GLB1: variants seen among roughly 807,000 people sequenced by gnomAD.
GLB1 encodes beta-galactosidase.
A neutral mutation model predicts 74.0 loss-of-function variants in GLB1; 56 were observed. The ratio of observed to expected loss-of-function variants is 0.76; its 90% CI spans 0.61 to 0.94. GLB1 has a LOEUF of 0.94. Ranked by LOEUF, GLB1 falls within the 40% of genes least tolerant of loss-of-function variation. The pLI, the probability that GLB1 is intolerant of heterozygous loss-of-function variation, is 0.00. For synonymous variants in GLB1, 323 were observed against 323.6 expected (o/e 1.00, Z 0.02); for missense variants, 787 against 845.5 (o/e 0.93, Z 0.86).
intron 10 of GLB1, among the ~76,000 whole-genome samples, chr3:33,036,956 A>T (rs572217338): frequency 2.0e-5 from 3 of 152,220 alleles, no homozygotes; most frequent in Non-Finnish European, 4.4e-5. Context: ...TGATGGCTGT[A>T]TAACATTGTG....
intron 9 of GLB1, among the ~76,000 whole-genome samples, chr3:33,051,233 C>CAAAAAAA (rs35399363): frequency 1.3e-5 from 1 of 76,412 alleles, no homozygotes; most frequent in African/African-American, 6.2e-5. Context: ...GACTGCGTCT[C>CAAAAAAA]AAAAAAAAAA....
the GLB1 span, among the ~76,000 whole-genome samples, chr3:32,962,536 A>G: frequency 6.6e-6 from 1 of 152,176 alleles, no homozygotes; most frequent in Non-Finnish European, 1.5e-5. Flanking sequence ...TCTAGTTCCA[A>G]TAATACTGTT....
At chr3:32,979,915 GA>G in the GLB1 span, among the ~76,000 whole-genome samples, 1 of 148,526 alleles carries the variant, frequency 6.7e-6, no homozygotes, top group Non-Finnish European at 1.5e-5. Context: ...TTTTTTCTCT[GA>G]AAAAAATTAA....
intron 5 of GLB1, chr3:33,061,739 G>A (rs973098156): frequency 3.9e-5 from 6 of 152,190 alleles, no homozygotes; most frequent in Non-Finnish European, 7.3e-5. Flanking sequence ...AAGTTAAGTT[G>A]TGGGTGGAAG....
At chr3:33,014,402 C>A (rs745555723) in intron 14 of GLB1, 92 bp from the exon 15 acceptor site, 14 of 1,554,412 alleles carry the variant, frequency 9.0e-6, no homozygotes, top group African/African-American at 1.4e-5. Context: ...AAAAGCAAAC[C>A]GGGATACAAA....
chr3:33,021,382 G>A (rs1697472650), intron 12 of GLB1, 184 bp downstream of exon 12: 1 of 686,638 alleles, frequency 1.5e-6, no homozygotes, highest in Non-Finnish European at 2.5e-6. Context: ...ATATAGGCAT[G>A]ATCAGCCCAC....
At chr3:33,082,092 G>A (rs900576594) in intron 1 of GLB1, among the ~76,000 whole-genome samples, 3 of 152,176 alleles carry the variant, frequency 2.0e-5, no homozygotes, top group Admixed American at 1.3e-4. Flanking sequence ...CCTAAGAAAA[G>A]GGGCACCCCA....
At chr3:33,053,159 C>T (rs1699068444) in intron 7 of GLB1, among the ~76,000 whole-genome samples, 1 of 152,128 alleles carries the variant, frequency 6.6e-6, no homozygotes, top group South Asian at 2.1e-4. Flanking sequence ...GACATAGGTT[C>T]CCTGAGCCTC....
chr3:33,019,819 G>A (rs1185027891), intron 12 of GLB1, among the ~76,000 whole-genome samples: 2 of 152,138 alleles, frequency 1.3e-5, no homozygotes, highest in South Asian at 2.1e-4. Context: ...TGAGGCTCAG[G>A]GGATCCCTGC....
At chr3:32,963,288 C>A in the GLB1 span, among the ~76,000 whole-genome samples, 2 of 151,568 alleles carry the variant, frequency 1.3e-5, no homozygotes, top group African/African-American at 4.8e-5. Flanking sequence ...AAATTCCAAA[C>A]AGAAAAAAAA....
intron 15 of GLB1, among the ~76,000 whole-genome samples, chr3:33,002,345 C>CT (rs1696609970): frequency 8.2e-6 from 1 of 122,132 alleles, no homozygotes; most frequent in African/African-American, 2.8e-5. Flanking sequence ...CCCTCCCTCC[C>CT]TCCCTTCCTT....
chr3:33,053,442 CT>C (rs1699082438), intron 7 of GLB1, 48 bp downstream of exon 7: 3 of 1,614,002 alleles, frequency 1.9e-6, no homozygotes, highest in African/African-American at 2.7e-5. Context: ...CAGCATGTAA[CT>C]TTTCTCTCTT....
At chr3:33,065,714 T>A (rs570216192) in intron 4 of GLB1, among the ~76,000 whole-genome samples, 157 bp from the exon 5 acceptor site, 3 of 152,322 alleles carry the variant, frequency 2.0e-5, no homozygotes, top group Admixed American at 6.5e-5. Context: ...ACGCCTGTAA[T>A]CCCAGCACTT....
intron 4 of GLB1, among the ~76,000 whole-genome samples, chr3:33,066,135 C>T (rs780414427): frequency 6.6e-6 from 1 of 152,136 alleles, no homozygotes; most frequent in South Asian, 2.1e-4. Context: ...CTCAGCTGAG[C>T]TCCTCAGGGG....
the GLB1 span, among the ~76,000 whole-genome samples, chr3:32,965,454 C>T: frequency 6.0e-4 from 91 of 152,148 alleles, no homozygotes; most frequent in African/African-American, 1.8e-3. Context: ...ATCTATGGAA[C>T]ATTGAACTTG....
At chr3:32,995,398 G>A (rs1167852489), downstream of GLB1, among the ~76,000 whole-genome samples, 1 of 152,104 alleles carries the variant, frequency 6.6e-6, no homozygotes, top group Admixed American at 6.5e-5. Flanking sequence ...GTAATGAAAT[G>A]AGGGTATGAG....
chr3:33,085,359 G>A (rs562372886), intron 1 of GLB1, among the ~76,000 whole-genome samples: 2 of 150,550 alleles, frequency 1.3e-5, no homozygotes, highest in East Asian at 3.9e-4. Context: ...GGAGATACAG[G>A]AAAATCTCTG....
chr3:33,043,255 G>A (rs1189738552), intron 10 of GLB1, among the ~76,000 whole-genome samples: 1 of 152,182 alleles, frequency 6.6e-6, no homozygotes, highest in Non-Finnish European at 1.5e-5. Flanking sequence ...ATAGAGGTGA[G>A]GACAGCTGTG....
At chr3:33,045,753 C>T in intron 10 of GLB1, 2 of 1,166,516 alleles carry the variant, frequency 1.7e-6, no homozygotes, top group Non-Finnish European at 2.1e-6. Context: ...TCCCATCACC[C>T]TACCTCTCAC....
Sources: allele counts gnomAD v4.1 joint callset (sites outside exome capture counted in the v4.1 genomes callset), GRCh38; gene constraint gnomAD v4.1.1; transcripts MANE v1.5; gene names NCBI Gene and HGNC (gene_info 2026-07-23, HGNC 2026-07-21).